Variants in PAPOLG observed in about 807,000 individuals in gnomAD.
PAPOLG encodes poly(A) polymerase gamma.
Under a neutral mutation model 99.0 loss-of-function variants are expected in PAPOLG, and 40 were observed. The observed-to-expected ratio is 0.40, with a 90% CI of 0.31 to 0.53. PAPOLG has a LOEUF of 0.53. Among genes scored for constraint, PAPOLG ranks in the 20% least tolerant of loss-of-function variants. The probability of loss-of-function intolerance (pLI) is 0.41; values close to 1 mark genes in which losing one functional copy is unlikely to be tolerated. For missense variants in PAPOLG, 675 were observed against 884.1 expected, an observed-to-expected ratio of 0.76 and a Z score of 3.00; for synonymous variants, 310 against 299.3, an observed-to-expected ratio of 1.04 and a Z score of -0.37.
Position 60,783,198 on chromosome 2 carries a change from C to A in PAPOLG, c.1155C>A (p.Asn385Lys), listed in dbSNP as rs538152352. 6.3e-6 allele frequency: 10 copies of A among 1,581,064 alleles called. No individual in the cohort carries two copies. The African/African-American group carries it at 1.2e-4, about 19-fold the overall frequency. The stretch of plus-strand genomic sequence containing the variant: ...CTGCCAGCGCATCAACAGAAGAAAA[C>A]CATCTAGAGTGGTAAGACTTCTATT... The part of the protein sequence containing the change: ...VLTASASTEE[N>K]HLEWVGLVES... The change falls in exon 13 of 22, where the codon AAC (asparagine) becomes AAA (lysine). Residue 385 changes from asparagine (N) to lysine (K), a missense_variant. Physicochemically the swap from Asn to Lys is moderately conservative, Grantham distance 94 (BLOSUM62 0). Coordinates refer to ENST00000238714, the MANE Select transcript of PAPOLG (RefSeq NM_022894.4).
Position 60,797,799 on chromosome 2 carries a change from A to C in PAPOLG, c.*639A>C, listed in dbSNP as rs907227757. The C allele has an allele frequency of 6.5e-6, 1 of 152,744 alleles. No homozygotes were observed. Among genetic ancestry groups the C allele is most frequent in the African/African-American group, 2.4e-5 (1 of 41,436 alleles). 9.5% of individuals were successfully genotyped at this position (152,744 alleles called of 1,614,324 possible). A position where few individuals can be genotyped will look rare whatever the true frequency, so the allele number is the denominator to read the frequency against. ...GTGTGCCTTTCTGTCCAAATGTTGC[A>C]TAGTTACCAGGGAAGATTAGTCCAG... On this transcript the variant is annotated 3_prime_UTR_variant, in exon 22 of 22. Transcript: ENST00000238714.
intron 3 of PAPOLG, 77 bp from the exon 4 acceptor site, chr2:60,768,393 T>G: frequency 3.4e-6 from 5 of 1,464,028 alleles, no homozygotes; most frequent in Non-Finnish European, 4.7e-6. Context: ...TGAGCCACCA[T>G]GCCCAGCCAA....
chr2:60,779,916 T>C (rs1293687021), intron 9 of PAPOLG, 141 bp downstream of exon 9: 1 of 725,606 alleles, frequency 1.4e-6, no homozygotes, highest in Non-Finnish European at 2.1e-6. Context: ...ACATCAACTT[T>C]GAGGCAATGG....
rs1271909296 is a variant in PAPOLG, at chr2:60,787,032, C to T, written c.1252C>T (p.Gln418Ter). The change falls in exon 14 of 22, where the codon CAG (glutamine) becomes TAG (stop). Residue 418 changes from glutamine (Q) to a stop codon, truncating the protein, a stop_gained. Coordinates refer to ENST00000238714, the MANE Select transcript of PAPOLG (RefSeq NM_022894.4). LOFTEE classifies it high-confidence loss of function. ...EFITLAHVNP[Q>*]SFPGNKEHHK... ...TATTACTCTTGCCCATGTGAATCCC[C>T]AGTCATTCCCAGGGAATAAGGAACA... The T allele has an allele frequency of 6.2e-7, 1 of 1,611,600 alleles. No homozygotes were observed. Among genetic ancestry groups the T allele is most frequent in the African/African-American group, 1.3e-5 (1 of 74,864 alleles).
chr2:60,768,906 CATTTAAT>C lies in PAPOLG; in HGVS notation c.438+21_438+27del. ...AAACTTAAGAGTAAGTATCCTCTGG[CATTTAAT>C]ATTTTGAATTTAGATTAGTAACAAA... is the stretch of plus-strand genomic sequence containing the variant. On this transcript the variant is annotated intron_variant, in intron 5 of 21. Coordinates refer to ENST00000238714, the MANE Select transcript of PAPOLG (RefSeq NM_022894.4). 6.6e-7 allele frequency: 1 copy of C among 1,525,502 alleles called. No individual in the cohort carries two copies. 94.5% of individuals were successfully genotyped at this position (1,525,502 alleles called of 1,614,324 possible).
Position 60,801,452 on chromosome 2 carries a change from C to G in PAPOLG, c.*4292C>G, listed in dbSNP as rs1341566869. 1.3e-5 allele frequency: 2 copies of G among 149,912 alleles called. No individual in the cohort carries two copies. Among genetic ancestry groups the G allele is most frequent in the Non-Finnish European group, 3.0e-5 (2 of 67,440 alleles). 9.3% of individuals were successfully genotyped at this position (149,912 alleles called of 1,614,324 possible). A position where few individuals can be genotyped will look rare whatever the true frequency, so the allele number is the denominator to read the frequency against. ...CCCCAAATTGTCTATTTTTTCTTTT[C>G]TTTTTTTTTAAGATGGAGTCTCGCT... On this transcript the variant is annotated 3_prime_UTR_variant, in exon 22 of 22. Transcript: ENST00000238714.
chr2:60,782,732 C>G lies in PAPOLG; in HGVS notation c.1074C>G (p.Ser358=). Residue 358 remains serine, a synonymous_variant, in exon 12 of 22, where the codon TCC becomes TCG. Transcript: ENST00000238714. ...TTCTTCAAGGAAAGTCAGATTGGTC[C>G]AAACTACTTGAGCCACCGAATTTCT... is the stretch of plus-strand genomic sequence containing the variant. ...DEILQGKSDW[S]KLLEPPNFFQ... 6.7e-7 allele frequency: 1 copy of G among 1,491,510 alleles called. No individual in the cohort carries two copies. Among genetic ancestry groups the G allele is most frequent in the East Asian group, 2.8e-5 (1 of 36,100 alleles). The allele number at this position is 1,491,510 out of a possible 1,614,324, so 92.4% of individuals were successfully genotyped here.
At chr2:60,787,453 C>A in intron 14 of PAPOLG, 58 bp from the exon 15 acceptor site, 1 of 1,529,090 alleles carries the variant, frequency 6.5e-7, no homozygotes, top group South Asian at 1.2e-5. Flanking sequence ...GAAATAGCAT[C>A]TGTAAAGTTG....
At chr2:60,776,418 ATTTTTTTTT>A (rs70959863) in intron 8 of PAPOLG, among the ~76,000 whole-genome samples, 1 of 85,868 alleles carries the variant, frequency 1.2e-5, no homozygotes, top group African/African-American at 4.9e-5. Context: ...CATTGGCTTC[ATTTTTTTTT>A]TTTTTTTTTT....
chr2:60,756,282 C>A lies in PAPOLG; in HGVS notation c.-197C>A. ...AGCGGCGCCATATTGGCGTCGGCCGCGCTGTATTGTCATAAATAGAGCCGG... is the reference window on the plus strand; with the variant it reads ...AGCGGCGCCATATTGGCGTCGGCCGAGCTGTATTGTCATAAATAGAGCCGG... On this transcript the variant is annotated 5_prime_UTR_variant, in exon 1 of 22. Transcript: ENST00000238714. 1.5e-6 allele frequency: 1 copy of A among 647,172 alleles called. No homozygotes were observed. Among genetic ancestry groups the A allele is most frequent in the Non-Finnish European group, 2.7e-6 (1 of 366,272 alleles). The allele number at this position is 647,172 out of a possible 1,614,324, so 40.1% of individuals were successfully genotyped here.
intron 13 of PAPOLG, among the ~76,000 whole-genome samples, chr2:60,785,301 C>G (rs1671326870): frequency 6.6e-6 from 1 of 151,958 alleles, no homozygotes; most frequent in Admixed American, 6.6e-5. Context: ...CCTCGCCTGG[C>G]TAATTTTTTG....
At chr2:60,793,205 TAAAAAAAAAAAAA>T (rs779034834) in intron 17 of PAPOLG, among the ~76,000 whole-genome samples, 10 of 45,560 alleles carry the variant, frequency 2.2e-4, no homozygotes, top group African/African-American at 8.4e-4. Context: ...ATACCATGTC[TAAAAAAAAAAAAA>T]AAAAAAAAAA....
At chr2:60,764,109 T>C (rs1328571402) in intron 3 of PAPOLG, among the ~76,000 whole-genome samples, 2 of 152,166 alleles carry the variant, frequency 1.3e-5, no homozygotes, top group African/African-American at 2.4e-5. Flanking sequence ...TGCCTCACAA[T>C]TGAATTTTTA....
In PAPOLG at chr2:60,787,526, A is replaced by G. The variant is rs2103813904; in HGVS notation, c.1302A>G (p.Ser434=). ...KEHHKDNNYV[S]MWFLGIIFRR... is the part of the protein sequence containing the mutation. Reference sequence around the variant, plus strand: ...TACTTTATAGCAACAATTACGTATCAATGTGGTTCCTTGGGATAATTTTTC... The same window carrying G: ...TACTTTATAGCAACAATTACGTATCGATGTGGTTCCTTGGGATAATTTTTC... The change falls in exon 15 of 22, where the codon TCA becomes TCG. Residue 434 remains serine, a synonymous_variant. Transcript: ENST00000238714. 1 of 1,613,312 alleles carries G rather than the reference A, an allele frequency of 6.2e-7. No individual in the cohort carries two copies. Among genetic ancestry groups the G allele is most frequent in the South Asian group, 1.1e-5 (1 of 90,746 alleles).
At chr2:60,776,341 G>A (rs576931031) in intron 8 of PAPOLG, among the ~76,000 whole-genome samples, 2 of 149,752 alleles carry the variant, frequency 1.3e-5, no homozygotes, top group Non-Finnish European at 3.0e-5. Context: ...TGTTCTGTTT[G>A]TACAGCACAG....
Position 60,782,653 on chromosome 2 carries a change from C to CTTTTTTT in PAPOLG, c.1028-14_1028-8dup, listed in dbSNP as rs747526129. 644 of 1,065,674 alleles carry CTTTTTTT rather than the reference C, an allele frequency of 6.0e-4. 1 individual carries two copies. The highest frequency in any genetic ancestry group is 1.9e-3 in the South Asian group (101 of 52,866). 66.0% of individuals were successfully genotyped at this position (1,065,674 alleles called of 1,614,324 possible). A position where few individuals can be genotyped will look rare whatever the true frequency, so the allele number is the denominator to read the frequency against. Reference sequence around the variant, plus strand: ...GTCCCTTTTCAAAATCATTCTTCTTCTTTTTTTTTTTTTTTTTTTTTTTTT... The same window carrying CTTTTTTT: ...GTCCCTTTTCAAAATCATTCTTCTTCTTTTTTTTTTTTTTTTTTTTTTTTTTTTTTTT... On this transcript the variant is annotated intron_variant, in intron 11 of 21. Coordinates refer to ENST00000238714, the MANE Select transcript of PAPOLG (RefSeq NM_022894.4).
At position 60,793,624 on chromosome 2, in the gene PAPOLG, T is replaced by C. The variant is rs200088687; in HGVS notation, c.1680-3T>C. The C allele has an allele frequency of 1.5e-4, 243 of 1,612,592 alleles. 1 individual carries two copies. Among genetic ancestry groups the C allele is most frequent in the Non-Finnish European group, 2.0e-4 (234 of 1,179,312 alleles). On this transcript the variant is annotated splice_polypyrimidine_tract_variant and splice_region_variant and intron_variant, in intron 17 of 21. Coordinates refer to ENST00000238714, the MANE Select transcript of PAPOLG (RefSeq NM_022894.4). ...ATTGATGATAATTTAACACTTTCAT[T>C]AGGAATAGTGCTGAGCCTGCTGCTG... is the stretch of plus-strand genomic sequence containing the variant.
rs374304234 is a variant in PAPOLG at position 60,760,183 on chromosome 2, T to A, written c.67T>A (p.Ser23Thr). The change falls in exon 2 of 22, where the codon TCC becomes ACC. Residue 23 changes from serine (S) to threonine (T), a missense_variant. Ser to Thr is a moderately conservative substitution (Grantham distance 58). Around this residue, in one of 3 missense-constraint regions of PAPOLG, gnomAD observed 149 missense variants for 192.1 expected, o/e 0.78. Coordinates refer to ENST00000238714, the MANE Select transcript of PAPOLG (RefSeq NM_022894.4). ...QRQQKHYGIT[S>T]PISLASPKEI... ...TCAACAAAAGCATTATGGAATTACC[T>A]CCCCAATTAGTTTGGCATCTCCTAA... 5.6e-5 allele frequency: 91 copies of A among 1,613,780 alleles called. No individual in the cohort carries two copies. The highest frequency in any genetic ancestry group is 7.5e-5 in the Non-Finnish European group (89 of 1,179,812).
intron 12 of PAPOLG, 107 bp downstream of exon 12, chr2:60,782,877 AAG>A (rs1671236823): frequency 7.7e-7 from 1 of 1,300,604 alleles, no homozygotes; most frequent in East Asian, 2.8e-5. Flanking sequence ...TTTCTTAAGC[AAG>A]AGAGAATAGA....
Sources: allele counts gnomAD v4.1 joint callset (sites outside exome capture counted in the v4.1 genomes callset), GRCh38; gene constraint gnomAD v4.1.1; regional missense constraint gnomAD v4.1.1; transcripts MANE v1.5; gene names NCBI Gene and HGNC (gene_info 2026-07-23, HGNC 2026-07-21).